GARIN1A: variants seen among roughly 807,000 people sequenced by gnomAD.
GARIN1A encodes Golgi-associated RAB2 interactor protein 1A.
chr7:128,708,115 C>T, the GARIN1A span, among the ~76,000 whole-genome samples: 54 of 151,884 alleles, frequency 3.6e-4, 1 homozygote, highest in Admixed American at 1.1e-3. Flanking sequence ...CAGGCTCAAG[C>T]GATCCTTTTG....
chr7:128,688,929 T>G, the GARIN1A span, among the ~76,000 whole-genome samples: 1 of 151,006 alleles, frequency 6.6e-6, no homozygotes, highest in African/African-American at 2.4e-5. Flanking sequence ...GCCTGCCGAG[T>G]GCCTGCGATT....
At chr7:128,677,483 G>T in the GARIN1A span, 1 of 1,382,570 alleles carries the variant, frequency 7.2e-7, no homozygotes, top group Non-Finnish European at 9.4e-7. Flanking sequence ...CTCTAGCCTC[G>T]GCGGCAGCGA....
the GARIN1A span, chr7:128,677,752 C>T: frequency 2.5e-6 from 4 of 1,613,780 alleles, no homozygotes; most frequent in Admixed American, 3.3e-5. Context: ...ACCAAAGACC[C>T]GAGAATCAAA....
chr7:128,707,905 C>T, the GARIN1A span, among the ~76,000 whole-genome samples: 1 of 148,814 alleles, frequency 6.7e-6, no homozygotes, highest in African/African-American at 2.5e-5. Context: ...CTTGCTTTTT[C>T]TTCCTTCCTT....
At chr7:128,677,512 A>AAAAAG in the GARIN1A span, 11 of 1,455,838 alleles carry the variant, frequency 7.6e-6, no homozygotes, top group East Asian at 2.0e-4. Context: ...CTCAAAAAAA[A>AAAAAG]AAAAAAAAGA....
the GARIN1A span, chr7:128,687,191 T>C: frequency 6.6e-6 from 1 of 152,262 alleles, no homozygotes; most frequent in Non-Finnish European, 1.5e-5. Context: ...ATGTGCCTTG[T>C]ATTATAGCAT....
the GARIN1A span, chr7:128,672,605 A>G: frequency 1.5e-5 from 14 of 961,598 alleles, no homozygotes; most frequent in East Asian, 1.7e-4. Context: ...ACCTGTTCCT[A>G]GGGGTTGGTT....
chr7:128,675,813 A>G, the GARIN1A span: 1 of 1,613,764 alleles, frequency 6.2e-7, no homozygotes, highest in African/African-American at 1.3e-5. Flanking sequence ...GGGTCCATTT[A>G]CCACCTGGAG....
At chr7:128,698,354 TCTC>T in the GARIN1A span, among the ~76,000 whole-genome samples, 13 of 151,918 alleles carry the variant, frequency 8.6e-5, no homozygotes, top group Non-Finnish European at 1.3e-4. Flanking sequence ...TCCCACACCT[TCTC>T]CTCAGCCCTC....
the GARIN1A span, among the ~76,000 whole-genome samples, chr7:128,679,745 T>C: frequency 6.6e-6 from 1 of 152,164 alleles, no homozygotes; most frequent in Non-Finnish European, 1.5e-5. Flanking sequence ...TGTTATTGAC[T>C]CTGAAGGTCA....
the GARIN1A span, among the ~76,000 whole-genome samples, chr7:128,706,682 A>G: frequency 6.6e-6 from 1 of 152,046 alleles, no homozygotes; most frequent in Admixed American, 6.6e-5. Context: ...TAGTCTCCCA[A>G]TCACACTGGC....
chr7:128,672,215 A>G, the GARIN1A span: 3 of 528,376 alleles, frequency 5.7e-6, no homozygotes, highest in East Asian at 3.2e-5. Flanking sequence ...TCACCATCAC[A>G]TTCCTTGATG....
the GARIN1A span, chr7:128,691,019 AT>A: frequency 6.6e-6 from 1 of 152,240 alleles, no homozygotes; most frequent in Non-Finnish European, 1.5e-5. Context: ...CAAACAAAAA[AT>A]AATATAAATA....
At chr7:128,696,999 C>T in the GARIN1A span, among the ~76,000 whole-genome samples, 4 of 152,152 alleles carry the variant, frequency 2.6e-5, no homozygotes, top group Non-Finnish European at 5.9e-5. Context: ...GAAGATGGTA[C>T]TTTGGGGTTT....
chr7:128,687,236 G>A, the GARIN1A span: 1 of 152,202 alleles, frequency 6.6e-6, no homozygotes, highest in African/African-American at 2.4e-5. Context: ...GTGGCTATTT[G>A]TTTACATGTC....
At chr7:128,689,226 G>A in the GARIN1A span, among the ~76,000 whole-genome samples, 14 of 152,138 alleles carry the variant, frequency 9.2e-5, no homozygotes, top group Non-Finnish European at 1.8e-4. Context: ...CCGCCACCCC[G>A]TCTGGGAAGT....
the GARIN1A span, among the ~76,000 whole-genome samples, chr7:128,674,464 T>C: frequency 1.4e-4 from 21 of 152,056 alleles, no homozygotes; most frequent in Non-Finnish European, 1.9e-4. Context: ...ATATTAGTTA[T>C]AGTTATAGTT....
At chr7:128,708,207 A>G in the GARIN1A span, among the ~76,000 whole-genome samples, 1 of 136,308 alleles carries the variant, frequency 7.3e-6, no homozygotes, top group Admixed American at 7.5e-5. Context: ...TTTAATTTTT[A>G]GTAGAGACAA....
At chr7:128,676,583 T>C in the GARIN1A span, among the ~76,000 whole-genome samples, 1 of 152,050 alleles carries the variant, frequency 6.6e-6, no homozygotes, top group Non-Finnish European at 1.5e-5. Flanking sequence ...ATATTAGACA[T>C]TTAGAAATGT....
Sources: allele counts gnomAD v4.1 joint callset (sites outside exome capture counted in the v4.1 genomes callset), GRCh38; gene constraint gnomAD v4.1.1; transcripts MANE v1.5; gene names NCBI Gene and HGNC (gene_info 2026-07-23, HGNC 2026-07-21).